The following GUSB variants were observed in gnomAD, a reference collection of about 807,000 sequenced individuals.
The protein encoded by GUSB is beta-glucuronidase.
Under a neutral mutation model 74.6 loss-of-function variants are expected in GUSB, and 51 were observed. The observed-to-expected ratio is 0.68, with a 90% CI of 0.55 to 0.86. GUSB has a LOEUF of 0.86. Ranked by LOEUF, GUSB falls within the 40% of genes least tolerant of loss-of-function variation. The pLI is 0.00. For missense variants in GUSB, 736 were observed against 853.7 expected (o/e 0.86, Z 1.72); for synonymous variants, 360 against 348.3 (o/e 1.03, Z -0.37).
chr7:65,960,697 CT>C lies in GUSB; in HGVS notation c.*199del, dbSNP rs1790425751. On this transcript the variant is annotated 3_prime_UTR_variant, in exon 12 of 12. Coordinates refer to ENST00000304895, the MANE Select transcript of GUSB (RefSeq NM_000181.4). ...GATTTCAGATGCTTTTCAGTAGCCACTTTCATGCCAACTCTTTATTTCCATA... is the reference window on the plus strand; with the variant it reads ...GATTTCAGATGCTTTTCAGTAGCCACTTCATGCCAACTCTTTATTTCCATA... The C allele has an allele frequency of 2.4e-5, 14 of 595,190 alleles. No individual in the cohort carries two copies. The East Asian group carries it at 4.0e-4, about 17-fold the overall frequency. 36.9% of individuals were successfully genotyped at this position (595,190 alleles called of 1,614,324 possible). A position where few individuals can be genotyped will look rare whatever the true frequency, so the allele number is the denominator to read the frequency against.
intron 2 of GUSB, 39 bp downstream of exon 2, chr7:65,980,185 G>GTGCCCCC: frequency 1.2e-5 from 9 of 725,270 alleles, no homozygotes; most frequent in African/African-American, 3.7e-5. Context: ...CAGCAGCCGT[G>GTGCCCCC]CCCCCCCACC....
Position 65,982,043 on chromosome 7 carries a change from G to A in GUSB, c.141C>T (p.Phe47=). ...ECKELDGLWS[F]RADFSDNRRR... ...GTCGGTTGTCAGAGAAGTCGGCGCGGAAGCTCCAGAGGCCGTCCAGCTCCT... is the reference window on the plus strand; with the variant it reads ...GTCGGTTGTCAGAGAAGTCGGCGCGAAAGCTCCAGAGGCCGTCCAGCTCCT... The change falls in exon 1 of 12, where the codon TTC becomes TTT. Residue 47 remains phenylalanine (F), a synonymous_variant. Transcript: ENST00000304895. 1 of 1,610,790 alleles carries A rather than the reference G, an allele frequency of 6.2e-7. No homozygotes were observed. The highest frequency in any genetic ancestry group is 8.5e-7 in the Non-Finnish European group (1 of 1,179,420).
intron 4 of GUSB, among the ~76,000 whole-genome samples, chr7:65,976,463 T>C (rs1035810864): frequency 1.3e-5 from 2 of 151,802 alleles, no homozygotes; most frequent in African/African-American, 4.8e-5. Flanking sequence ...GTACCTGGGA[T>C]TATAGACGTG....
At chr7:65,961,867 T>C (rs1171328067) in intron 11 of GUSB, among the ~76,000 whole-genome samples, 1 of 151,914 alleles carries the variant, frequency 6.6e-6, no homozygotes, top group Admixed American at 6.6e-5. Context: ...ACAGGCATGG[T>C]GGTGGGTGCC....
chr7:65,970,196 G>T (rs1282652427), intron 9 of GUSB, 86 bp downstream of exon 9: 5 of 821,770 alleles, frequency 6.1e-6, no homozygotes, highest in East Asian at 4.9e-5. Flanking sequence ...GCAGCGCATG[G>T]TTCTTCCTGG....
chr7:65,981,733 C>G, intron 1 of GUSB: 1 of 510,010 alleles, frequency 2.0e-6, no homozygotes, highest in South Asian at 3.0e-5. Flanking sequence ...ACAGACTCAG[C>G]CTTTACCTCG....
intron 2 of GUSB, 137 bp downstream of exon 2, chr7:65,980,087 C>G: frequency 9.9e-7 from 1 of 1,007,684 alleles, no homozygotes; most frequent in Non-Finnish European, 1.5e-6. Context: ...ATACAGGGCA[C>G]AGCCCCCAGG....
At chr7:65,975,810 C>G (rs1791527161) in intron 5 of GUSB, 1 of 533,840 alleles carries the variant, frequency 1.9e-6, no homozygotes, top group African/African-American at 2.0e-5. Context: ...GTGATCAGGC[C>G]ATTGCACTCC....
intron 4 of GUSB, 39 bp from the exon 5 acceptor site, chr7:65,976,241 ACG>A: frequency 6.8e-7 from 1 of 1,475,092 alleles, no homozygotes; most frequent in Non-Finnish European, 9.4e-7. Flanking sequence ...AGGGAGGGAC[ACG>A]ACCTGAGTCA....
intron 8 of GUSB, among the ~76,000 whole-genome samples, chr7:65,973,243 G>T (rs1490181895): frequency 1.3e-5 from 2 of 152,198 alleles, no homozygotes; most frequent in Non-Finnish European, 2.9e-5. Flanking sequence ...CCTGAGGTCA[G>T]TAGTCCAAGA....
intron 4 of GUSB, among the ~76,000 whole-genome samples, chr7:65,978,734 C>T (rs999162059): frequency 1.2e-4 from 18 of 149,142 alleles, no homozygotes; most frequent in African/African-American, 4.0e-4. Context: ...ATCACGCCAT[C>T]GCACTCCAGC....
At chr7:65,962,268 G>T (rs751977612) in intron 11 of GUSB, among the ~76,000 whole-genome samples, 2 of 152,186 alleles carry the variant, frequency 1.3e-5, no homozygotes, top group Non-Finnish European at 2.9e-5. Flanking sequence ...ACCACTGGTG[G>T]TCATTAGGCC....
At chr7:65,972,513 C>A (rs1254676825) in intron 8 of GUSB, among the ~76,000 whole-genome samples, 1 of 152,204 alleles carries the variant, frequency 6.6e-6, no homozygotes, top group East Asian at 1.9e-4. Flanking sequence ...CAGTTCATTT[C>A]TTCTTTTACG....
chr7:65,975,728 G>A (rs1198114279), intron 5 of GUSB: 4 of 326,390 alleles, frequency 1.2e-5, no homozygotes, highest in Non-Finnish European at 2.3e-5. Flanking sequence ...GCATGTGCCT[G>A]TAGTCCCAGC....
intron 8 of GUSB, among the ~76,000 whole-genome samples, chr7:65,972,758 T>C (rs1408641955): frequency 3.9e-5 from 6 of 152,126 alleles, no homozygotes; most frequent in Non-Finnish European, 7.3e-5. Context: ...CTCAAACACC[T>C]GCTCCTGGAA....
At chr7:65,970,989 C>G (rs1314809789) in intron 8 of GUSB, among the ~76,000 whole-genome samples, 1 of 152,122 alleles carries the variant, frequency 6.6e-6, no homozygotes, top group East Asian at 1.9e-4. Flanking sequence ...ATATGATCCT[C>G]TAGTCCTAGA....
At chr7:65,961,330 C>T (rs1790484009) in intron 11 of GUSB, among the ~76,000 whole-genome samples, 1 of 151,982 alleles carries the variant, frequency 6.6e-6, no homozygotes, top group African/African-American at 2.4e-5. Context: ...GACAAGGTCT[C>T]ATTATGTTGT....
intron 8 of GUSB, among the ~76,000 whole-genome samples, chr7:65,972,378 G>C (rs560885238): frequency 2.0e-5 from 3 of 152,084 alleles, no homozygotes; most frequent in Non-Finnish European, 4.4e-5. Context: ...TGGCCACGCC[G>C]GTCTCAAACT....
chr7:65,981,397 A>G (rs892140926), intron 1 of GUSB, among the ~76,000 whole-genome samples: 7 of 151,688 alleles, frequency 4.6e-5, no homozygotes, highest in Non-Finnish European at 7.4e-5. Context: ...ACACTTGGCT[A>G]ATTTTTATAT....
Sources: allele counts gnomAD v4.1 joint callset (sites outside exome capture counted in the v4.1 genomes callset), GRCh38; gene constraint gnomAD v4.1.1; transcripts MANE v1.5; gene names NCBI Gene and HGNC (gene_info 2026-07-23, HGNC 2026-07-21).